ART4: variants seen among roughly 807,000 people sequenced by gnomAD.
ART4 encodes the protein ecto-ADP-ribosyltransferase 4.
In ART4, 14 loss-of-function variants were observed where a neutral mutation model predicts 24.2. That is an observed-to-expected ratio of 0.58 (90% CI 0.38 to 0.90). The LOEUF (loss-of-function observed/expected upper bound fraction) is 0.90. ART4 is among the 40% of genes least tolerant of loss of function. ART4 has a pLI of 0.00. For missense variants in ART4, 356 were observed against 366.6 expected (o/e 0.97, Z 0.24); for synonymous variants, 145 against 139.9 (o/e 1.04, Z -0.26).
intron 2 of ART4, 61 bp downstream of exon 2, chr12:14,840,384 A>T (rs1950458542): frequency 1.4e-6 from 2 of 1,407,772 alleles, no homozygotes; most frequent in Non-Finnish European, 1.9e-6. Context: ...GAGAAAAAAT[A>T]ACTTTTATAA....
intron 2 of ART4, among the ~76,000 whole-genome samples, chr12:14,838,562 A>G (rs901828921): frequency 6.6e-6 from 1 of 152,168 alleles, no homozygotes; most frequent in Admixed American, 6.5e-5. Flanking sequence ...TACAAACACT[A>G]ATCTCCTGTG....
intron 2 of ART4, among the ~76,000 whole-genome samples, chr12:14,834,652 C>G (rs1224532919): frequency 6.6e-6 from 1 of 152,172 alleles, no homozygotes; most frequent in Non-Finnish European, 1.5e-5. Flanking sequence ...ATTTGTGTGT[C>G]TACAGATTTT....
Position 14,843,320 on chromosome 12 carries a change from C to T in ART4, c.-207G>A, listed in dbSNP as rs1338785892. On this transcript the variant is annotated 5_prime_UTR_variant, in exon 1 of 3. Transcript: ENST00000228936. ...CGACTTCTTTGCAAAACTGAAATCT[C>T]TGTGAAATAGCCAGATGCGCACACC... 35 of 546,628 alleles carry T rather than the reference C, an allele frequency of 6.4e-5. No individual in the cohort carries two copies. In the East Asian group the frequency reaches 1.1e-3, roughly 17 times the overall value. 33.9% of individuals were successfully genotyped at this position (546,628 alleles called of 1,614,324 possible).
chr12:14,832,337 A>C (rs2137298958), intron 2 of ART4, among the ~76,000 whole-genome samples: 1 of 152,080 alleles, frequency 6.6e-6, no homozygotes, highest in South Asian at 2.1e-4. Flanking sequence ...TTCTTCCTGG[A>C]ATGCTCTTTC....
At chr12:14,836,463 A>T (rs909507126) in intron 2 of ART4, among the ~76,000 whole-genome samples, 4 of 152,176 alleles carry the variant, frequency 2.6e-5, no homozygotes, top group African/African-American at 9.7e-5. Context: ...ACAAGATTTC[A>T]TCACACCACT....
At chr12:14,838,831 A>T (rs1950447000) in intron 2 of ART4, among the ~76,000 whole-genome samples, 1 of 151,980 alleles carries the variant, frequency 6.6e-6, no homozygotes, top group Non-Finnish European at 1.5e-5. Flanking sequence ...TTGGGGATAT[A>T]TTGAAGGTAG....
chr12:14,840,359 C>A, intron 2 of ART4, 86 bp downstream of exon 2: 1 of 1,165,472 alleles, frequency 8.6e-7, no homozygotes, highest in Non-Finnish European at 1.2e-6. Context: ...TTTGATCTTT[C>A]CCCAAAAACC....
chr12:14,842,908 C>G (rs546922815), intron 1 of ART4, 62 bp downstream of exon 1: 11 of 1,525,404 alleles, frequency 7.2e-6, no homozygotes, highest in Admixed American at 6.3e-5. Flanking sequence ...AGGCTGTGGC[C>G]GGGTGAATGC....
chr12:14,828,405 A>G lies in ART4; in HGVS notation c.*966T>C, dbSNP rs1367761578. The G allele has an allele frequency of 6.6e-6, 1 of 152,212 alleles. No homozygotes were observed. The highest frequency in any genetic ancestry group is 1.5e-5 in the Non-Finnish European group (1 of 68,036). 9.4% of individuals were successfully genotyped at this position (152,212 alleles called of 1,614,324 possible). A position where few individuals can be genotyped will look rare whatever the true frequency, so the allele number is the denominator to read the frequency against. ...TGCTGGTGAATGAAATTTCACTAAC[A>G]TCTTTCATTAACTTTCCCTTTTATT... On this transcript the variant is annotated 3_prime_UTR_variant, in exon 3 of 3. Coordinates refer to ENST00000228936, the MANE Select transcript of ART4 (RefSeq NM_021071.4).
Position 14,843,041 on chromosome 12 carries a change from A to G in ART4, c.73T>C (p.Trp25Arg), listed in dbSNP as rs541830352. ...AATGGCAGCAGGCCTCCAAGGAGCC[A>G]GATTCTCATCGTTGCAGGAGGTACA... ...TTVPPATMRIWLLGGLLPFLL... is the reference protein window; with the variant it reads ...TTVPPATMRIRLLGGLLPFLL... Residue 25 changes from tryptophan (W) to arginine (R), a missense_variant, in exon 1 of 3, where the codon TGG (tryptophan) becomes CGG (arginine). Transcript: ENST00000228936. 2.1e-5 allele frequency: 34 copies of G among 1,614,170 alleles called. No homozygotes were observed. The Admixed American group carries it at 4.2e-4, about 20-fold the overall frequency.
intron 2 of ART4, among the ~76,000 whole-genome samples, chr12:14,839,170 A>G (rs1950449603): frequency 6.6e-6 from 1 of 152,168 alleles, no homozygotes; most frequent in South Asian, 2.1e-4. Flanking sequence ...ATAAAATTAA[A>G]AGGTCCTTAG....
At chr12:14,837,867 CG>C (rs1950441622) in intron 2 of ART4, among the ~76,000 whole-genome samples, 1 of 152,064 alleles carries the variant, frequency 6.6e-6, no homozygotes, top group Non-Finnish European at 1.5e-5. Flanking sequence ...GGTTCTGTTA[CG>C]ATAATTATTA....
chr12:14,832,616 T>C (rs1327279949), intron 2 of ART4, among the ~76,000 whole-genome samples: 2 of 152,208 alleles, frequency 1.3e-5, no homozygotes, highest in Non-Finnish European at 2.9e-5. Flanking sequence ...TTTCCTTCCC[T>C]GCACCTAGGA....
At chr12:14,836,303 A>G (rs1950430433) in intron 2 of ART4, among the ~76,000 whole-genome samples, 1 of 152,096 alleles carries the variant, frequency 6.6e-6, no homozygotes, top group African/African-American at 2.4e-5. Flanking sequence ...CAAGATCACT[A>G]TTCTTTCACT....
Position 14,842,989 on chromosome 12 carries a change from C to T in ART4, c.125G>A (p.Arg42Lys). The change falls in exon 1 of 3, where the codon AGA (arginine) becomes AAA (lysine). Residue 42 changes from arginine (R) to lysine (K), a missense_variant. Transcript: ENST00000228936. Reference protein sequence around the residue: ...PFLLLLSGLQRPTEGSEVAIK... With the variant: ...PFLLLLSGLQKPTEGSEVAIK... ...CCCTACCTCAGAACCCTCTGTGGGTCTCTGCAGGCCAGAGAGGAGCAGCAG... is the reference window on the plus strand; with the variant it reads ...CCCTACCTCAGAACCCTCTGTGGGTTTCTGCAGGCCAGAGAGGAGCAGCAG... 1.2e-6 allele frequency: 2 copies of T among 1,613,072 alleles called. No homozygotes were observed. The highest frequency in any genetic ancestry group is 1.7e-6 in the Non-Finnish European group (2 of 1,179,588).
chr12:14,834,735 G>A (rs1009260354), intron 2 of ART4, among the ~76,000 whole-genome samples: 1 of 152,208 alleles, frequency 6.6e-6, no homozygotes, highest in South Asian at 2.1e-4. Flanking sequence ...CATATTTTGA[G>A]TCTTCCAATG....
chr12:14,841,047 G>A lies in ART4; in HGVS notation c.251C>T (p.Thr84Ile). 6.2e-7 allele frequency: 1 copy of A among 1,614,146 alleles called. No homozygotes were observed. The highest frequency in any genetic ancestry group is 8.5e-7 in the Non-Finnish European group (1 of 1,180,022). Residue 84 changes from threonine to isoleucine, a missense_variant, in exon 2 of 3, where the codon ACA becomes ATA. Transcript: ENST00000228936. Reference protein sequence around the residue: ...MEKLTQGDYFTKDIEAQKNYF... With the variant: ...MEKLTQGDYFIKDIEAQKNYF... The stretch of plus-strand genomic sequence containing the variant: ...ATTCTTCTGGGCTTCTATGTCTTTT[G>A]TGAAATAATCCCCTTGAGTTAGTTT...
chr12:14,833,117 A>C (rs11056199), intron 2 of ART4, among the ~76,000 whole-genome samples: 51,836 of 152,062 alleles, frequency 0.34, 9,383 homozygotes, highest in Non-Finnish European at 0.39. Context: ...GAATGTGATC[A>C]ATTGATGGGT....
chr12:14,840,807 G>T lies in ART4; in HGVS notation c.491C>A (p.Thr164Asn). Residue 164 changes from threonine to asparagine, a missense_variant, in exon 2 of 3, where the codon ACC becomes AAC. Transcript: ENST00000228936. ...TTTCCTCAGCAGCTGGATTGCTGAG[G>T]TGAGGTAGTAGTGTAAATATTTGAA... ...FHFKYLHYYL[T>N]SAIQLLRKDS... 1 of 1,614,220 alleles carries T rather than the reference G, an allele frequency of 6.2e-7. No individual in the cohort carries two copies. The highest frequency in any genetic ancestry group is 8.5e-7 in the Non-Finnish European group (1 of 1,180,038).
Sources: gnomAD v4.1 joint callset for allele counts (sites outside exome capture counted in the v4.1 genomes callset) on GRCh38, gnomAD v4.1.1 for gene constraint, MANE v1.5 for transcripts, NCBI Gene and HGNC (gene_info 2026-07-23, HGNC 2026-07-21) for gene names.